The following LRMDA variants were observed in gnomAD, a reference collection of about 807,000 sequenced individuals.
The protein encoded by LRMDA is leucine-rich melanocyte differentiation-associated protein.
In LRMDA, 18 loss-of-function variants were observed where a neutral mutation model predicts 29.8. The ratio of observed to expected loss-of-function variants is 0.60; its 90% confidence interval spans 0.42 to 0.90. The LOEUF (loss-of-function observed/expected upper bound fraction) is 0.90. LRMDA is among the 40% of genes least tolerant of loss of function. The pLI is 0.00. For synonymous variants in LRMDA, 125 were observed against 109.4 expected, an observed-to-expected ratio of 1.14 and a Z score of -0.89; for missense variants, 273 against 273.9, an observed-to-expected ratio of 1.00 and a Z score of 0.02.
intron 5 of LRMDA, among the ~76,000 whole-genome samples, chr10:76,290,469 C>G (rs1017008027): frequency 8.0e-6 from 1 of 125,270 alleles, no homozygotes; most frequent in Admixed American, 1.0e-4. Context: ...CCCAGGCTGG[C>G]TGGCGTGCAG....
At chr10:75,969,248 T>C (rs927970706) in intron 2 of LRMDA, among the ~76,000 whole-genome samples, 3 of 152,236 alleles carry the variant, frequency 2.0e-5, no homozygotes, top group African/African-American at 4.8e-5. Context: ...CTGCTTCTTT[T>C]CTTTGAGTCT....
chr10:75,470,157 A>T (rs926143067), intron 2 of LRMDA, among the ~76,000 whole-genome samples: 30 of 152,184 alleles, frequency 2.0e-4, no homozygotes, highest in African/African-American at 6.8e-4. Flanking sequence ...TTGCCAGAAT[A>T]AGTTCTGCCT....
intron 6 of LRMDA, among the ~76,000 whole-genome samples, chr10:76,354,255 T>C (rs1479623076): frequency 6.6e-6 from 1 of 152,116 alleles, no homozygotes; most frequent in East Asian, 1.9e-4. Flanking sequence ...AGAATCTGAG[T>C]GTCAAAGGAG....
chr10:75,472,404 C>T (rs1023513261), intron 2 of LRMDA, among the ~76,000 whole-genome samples: 2 of 152,192 alleles, frequency 1.3e-5, no homozygotes, highest in Non-Finnish European at 2.9e-5. Context: ...GATTCATTAT[C>T]CCCTGCTTAC....
intron 2 of LRMDA, among the ~76,000 whole-genome samples, chr10:75,948,299 AT>A (rs1221654281): frequency 2.1e-4 from 32 of 152,322 alleles, no homozygotes; most frequent in African/African-American, 7.7e-4. Flanking sequence ...CCCTGTGATA[AT>A]GCAGTACTTT....
chr10:76,358,409 C>G (rs1841268660), intron 6 of LRMDA, among the ~76,000 whole-genome samples: 2 of 152,336 alleles, frequency 1.3e-5, no homozygotes, highest in Admixed American at 1.3e-4. Flanking sequence ...TCAAATTATG[C>G]ACAGCGTTTC....
At chr10:75,518,351 A>C (rs957933585) in intron 2 of LRMDA, among the ~76,000 whole-genome samples, 3 of 152,174 alleles carry the variant, frequency 2.0e-5, no homozygotes, top group Non-Finnish European at 2.9e-5. Flanking sequence ...TTTGGTTGGT[A>C]GGCTGTTAAT....
At chr10:76,442,138 TGTCTAGTTTGGCACACAGGG>T in intron 6 of LRMDA, among the ~76,000 whole-genome samples, 1 of 152,346 alleles carries the variant, frequency 6.6e-6, no homozygotes, top group South Asian at 2.1e-4. Flanking sequence ...CCTGAAAATA[TGTCTAGTTTGGCACACAGGG>T]TAAATACGTG....
At chr10:75,465,014 G>A (rs574631682) in intron 2 of LRMDA, among the ~76,000 whole-genome samples, 1 of 152,206 alleles carries the variant, frequency 6.6e-6, no homozygotes, top group Admixed American at 6.5e-5. Flanking sequence ...CTTCCCTGGG[G>A]CCTCTTCCTT....
intron 5 of LRMDA, among the ~76,000 whole-genome samples, chr10:76,283,576 C>G (rs1366214710): frequency 6.6e-6 from 1 of 152,092 alleles, no homozygotes; most frequent in African/African-American, 2.4e-5. Flanking sequence ...ATAATAATAA[C>G]ATAATAATAA....
intron 5 of LRMDA, among the ~76,000 whole-genome samples, chr10:76,306,737 C>T (rs1840561415): frequency 6.6e-6 from 1 of 152,186 alleles, no homozygotes; most frequent in Non-Finnish European, 1.5e-5. Flanking sequence ...TTGCATATGT[C>T]AAAATTAAAA....
chr10:75,569,121 A>T (rs189355075), intron 2 of LRMDA, among the ~76,000 whole-genome samples: 2 of 152,294 alleles, frequency 1.3e-5, no homozygotes, highest in Admixed American at 1.3e-4. Flanking sequence ...CTCTCCTGGC[A>T]TATGCCCACA....
intron 2 of LRMDA, among the ~76,000 whole-genome samples, chr10:75,918,344 G>A (rs1380559474): frequency 2.6e-5 from 4 of 152,134 alleles, no homozygotes; most frequent in African/African-American, 4.8e-5. Flanking sequence ...GGCTGTACAG[G>A]AAGCATAGCA....
chr10:76,340,536 A>AAAAG (rs1016856830), intron 6 of LRMDA, among the ~76,000 whole-genome samples: 9 of 149,804 alleles, frequency 6.0e-5, no homozygotes, highest in African/African-American at 1.2e-4. Flanking sequence ...AAAAAAAAAA[A>AAAAG]AGAGAGAGAG....
chr10:75,956,381 G>A (rs1010880365), intron 2 of LRMDA, among the ~76,000 whole-genome samples: 1 of 152,172 alleles, frequency 6.6e-6, no homozygotes, highest in East Asian at 1.9e-4. Context: ...TGTCTATTGG[G>A]GTCTCTGAAT....
intron 2 of LRMDA, among the ~76,000 whole-genome samples, chr10:75,613,961 T>C (rs552595405): frequency 1.3e-5 from 2 of 152,158 alleles, no homozygotes; most frequent in Non-Finnish European, 2.9e-5. Context: ...CTGCACCTAA[T>C]AAATCATCCA....
chr10:75,524,270 T>C (rs921265464), intron 2 of LRMDA, among the ~76,000 whole-genome samples: 6 of 152,168 alleles, frequency 3.9e-5, no homozygotes, highest in African/African-American at 1.4e-4. Flanking sequence ...CATTCATCCA[T>C]GTAAATAATT....
chr10:75,746,538 T>C (rs561508863), intron 2 of LRMDA, among the ~76,000 whole-genome samples: 6 of 152,320 alleles, frequency 3.9e-5, no homozygotes, highest in South Asian at 2.1e-4. Context: ...TGTCCCTATT[T>C]GCAGAGGCTC....
At chr10:76,485,062 T>C (rs1304054304) in intron 6 of LRMDA, among the ~76,000 whole-genome samples, 1 of 151,874 alleles carries the variant, frequency 6.6e-6, no homozygotes, top group African/African-American at 2.4e-5. Flanking sequence ...CCACATGTAA[T>C]TGGGTCTTGT....
Sources: gnomAD v4.1 joint callset for allele counts (sites outside exome capture counted in the v4.1 genomes callset) on GRCh38, gnomAD v4.1.1 for gene constraint, MANE v1.5 for transcripts, NCBI Gene and HGNC (gene_info 2026-07-23, HGNC 2026-07-21) for gene names.